The following COL5A2 variants were observed in gnomAD, a reference collection of about 807,000 sequenced individuals.
The protein encoded by COL5A2 is collagen alpha-2(V) chain.
COL5A2 carries 23 observed loss-of-function variants against 208.2 expected under a neutral mutation model. That is an observed-to-expected ratio of 0.11 (90% CI 0.08 to 0.16). COL5A2 has a LOEUF of 0.16. Among genes scored for constraint, COL5A2 ranks in the 10% least tolerant of loss-of-function variants. The pLI is 1.00. For synonymous variants in COL5A2, 625 were observed against 628.5 expected (o/e 0.99, Z 0.08); for missense variants, 1,590 against 1,956.4 (o/e 0.81, Z 3.53).
chr2:189,094,746 C>T (rs899192679), intron 6 of COL5A2, among the ~76,000 whole-genome samples: 1 of 58,754 alleles, frequency 1.7e-5, no homozygotes, highest in Non-Finnish European at 4.7e-5. Flanking sequence ...GAACTTAGCA[C>T]ATCATTGACG....
intron 49 of COL5A2, 44 bp downstream of exon 49, chr2:189,042,676 G>A (rs1165141530): frequency 2.5e-5 from 39 of 1,555,682 alleles, no homozygotes; most frequent in Non-Finnish European, 3.4e-5. Flanking sequence ...ATCAACAAAG[G>A]CATTATTATT....
chr2:189,060,899 A>C, intron 30 of COL5A2, 116 bp from the exon 31 acceptor site: 1 of 737,824 alleles, frequency 1.4e-6, no homozygotes, highest in South Asian at 1.6e-5. Flanking sequence ...TTTCAATGAA[A>C]ATATATTGTT....
intron 29 of COL5A2, among the ~76,000 whole-genome samples, chr2:189,061,995 C>G (rs867087163): frequency 1.4e-4 from 22 of 151,862 alleles, no homozygotes; most frequent in Admixed American, 9.8e-4. Context: ...AATTATTTAT[C>G]AAGACTTCAA....
intron 17 of COL5A2, among the ~76,000 whole-genome samples, 200 bp from the exon 18 acceptor site, chr2:189,072,293 A>C (rs1263082459): frequency 6.6e-6 from 1 of 152,252 alleles, no homozygotes; most frequent in East Asian, 1.9e-4. Context: ...GACATATCCA[A>C]GGTATTAAAC....
At chr2:189,420,923 T>C in the COL5A2 span, among the ~76,000 whole-genome samples, 8 of 152,208 alleles carry the variant, frequency 5.3e-5, no homozygotes, top group African/African-American at 1.9e-4. Context: ...ACGTAAACAT[T>C]GTTCACTTAT....
the COL5A2 span, among the ~76,000 whole-genome samples, chr2:189,387,986 T>C: frequency 1.8e-4 from 27 of 152,152 alleles, no homozygotes; most frequent in Non-Finnish European, 3.5e-4. Context: ...GGTCTCACTA[T>C]GTTGCCCAGG....
the COL5A2 span, among the ~76,000 whole-genome samples, chr2:189,366,042 T>C: frequency 2.0e-5 from 3 of 152,212 alleles, no homozygotes; most frequent in African/African-American, 4.8e-5. Context: ...TGTCCTATAT[T>C]ATTTGCAATC....
chr2:189,176,825 A>G (rs1438979104), intron 1 of COL5A2, among the ~76,000 whole-genome samples: 1 of 151,790 alleles, frequency 6.6e-6, no homozygotes, highest in Non-Finnish European at 1.5e-5. Context: ...TTTCATTTTA[A>G]CTCCCTAATT....
chr2:189,280,802 C>G, the COL5A2 span, among the ~76,000 whole-genome samples: 64 of 152,192 alleles, frequency 4.2e-4, no homozygotes, highest in African/African-American at 1.5e-3. Context: ...AATTTCCCAG[C>G]AAGAATACAA....
At chr2:189,170,738 A>C (rs1576571759) in intron 1 of COL5A2, among the ~76,000 whole-genome samples, 1 of 151,758 alleles carries the variant, frequency 6.6e-6, no homozygotes, top group South Asian at 2.1e-4. Context: ...TACTCTTGGC[A>C]CTCTTAGGTA....
the COL5A2 span, among the ~76,000 whole-genome samples, chr2:189,320,979 T>A: frequency 6.6e-6 from 1 of 152,138 alleles, no homozygotes; most frequent in Non-Finnish European, 1.5e-5. Flanking sequence ...GGGCAGAAAC[T>A]CTACAAGCCA....
chr2:189,034,841 A>T, intron 53 of COL5A2, 75 bp downstream of exon 53: 1 of 1,577,194 alleles, frequency 6.3e-7, no homozygotes, highest in Non-Finnish European at 8.7e-7. Context: ...CCCCAGTTCT[A>T]GTGCTGTAAT....
intron 1 of COL5A2, among the ~76,000 whole-genome samples, chr2:189,158,908 C>G (rs1688306079): frequency 6.6e-6 from 1 of 152,118 alleles, no homozygotes; most frequent in Non-Finnish European, 1.5e-5. Context: ...AAATTTGAAA[C>G]TTCCCAAGGT....
chr2:189,374,365 C>T, the COL5A2 span, among the ~76,000 whole-genome samples: 3 of 151,108 alleles, frequency 2.0e-5, no homozygotes, highest in Admixed American at 1.3e-4. Flanking sequence ...GTCTCTGTGA[C>T]CCAATTTTAC....
At chr2:189,356,159 T>G in the COL5A2 span, among the ~76,000 whole-genome samples, 1 of 152,168 alleles carries the variant, frequency 6.6e-6, no homozygotes, top group Non-Finnish European at 1.5e-5. Context: ...TCTGATGGGG[T>G]TTCCTTTTTG....
chr2:189,396,670 T>C, the COL5A2 span, among the ~76,000 whole-genome samples: 6 of 15,666 alleles, frequency 3.8e-4, 1 homozygote, highest in Middle Eastern at 0.045. Context: ...CAAGACTCCA[T>C]TAAAAAAAAA....
At chr2:189,351,747 G>A in the COL5A2 span, among the ~76,000 whole-genome samples, 5 of 152,168 alleles carry the variant, frequency 3.3e-5, no homozygotes, top group South Asian at 2.1e-4. Flanking sequence ...GGGGCAGGAC[G>A]GAAGGAAGAA....
chr2:189,304,343 C>G, the COL5A2 span, among the ~76,000 whole-genome samples: 95 of 152,198 alleles, frequency 6.2e-4, no homozygotes, highest in African/African-American at 2.2e-3. Context: ...AATAGTGATA[C>G]AGATAATAGT....
At chr2:189,307,359 A>G in the COL5A2 span, among the ~76,000 whole-genome samples, 2 of 152,130 alleles carry the variant, frequency 1.3e-5, no homozygotes, top group Non-Finnish European at 2.9e-5. Context: ...TACATATAAT[A>G]CTTAGAAAAT....
Sources: allele counts gnomAD v4.1 joint callset (sites outside exome capture counted in the v4.1 genomes callset), GRCh38; gene constraint gnomAD v4.1.1; transcripts MANE v1.5; gene names NCBI Gene and HGNC (gene_info 2026-07-23, HGNC 2026-07-21).